The following CDS1 variants were observed in gnomAD, a reference collection of about 807,000 sequenced individuals.
The protein encoded by CDS1 is CDP-diacylglycerol synthase 1.
CDS1 carries 41 observed loss-of-function variants against 62.1 expected under a neutral mutation model. The ratio of observed to expected loss-of-function variants is 0.66; its 90% CI spans 0.51 to 0.86. The LOEUF is 0.86. Ranked by LOEUF, CDS1 falls within the 40% of genes least tolerant of loss-of-function variation. CDS1 has a pLI of 0.00. For synonymous variants in CDS1, 185 were observed against 192.6 expected (o/e 0.96, Z 0.32); for missense variants, 470 against 550.1 (o/e 0.85, Z 1.46).
chr4:84,615,468 C>A (rs145471427), intron 3 of CDS1, among the ~76,000 whole-genome samples: 197 of 152,132 alleles, frequency 1.3e-3, no homozygotes, highest in African/African-American at 4.5e-3. Flanking sequence ...TCCTTCTTAC[C>A]CCCACCTTTG....
chr4:84,584,017 C>T (rs1316010127), intron 1 of CDS1, among the ~76,000 whole-genome samples: 2 of 152,178 alleles, frequency 1.3e-5, no homozygotes, highest in East Asian at 1.9e-4. Context: ...TTTTCTCCAT[C>T]CTTTTTCAGT....
chr4:84,631,561 A>G (rs1174182135), intron 5 of CDS1, among the ~76,000 whole-genome samples: 2 of 152,194 alleles, frequency 1.3e-5, no homozygotes, highest in Non-Finnish European at 1.5e-5. Context: ...GCAGGGGACT[A>G]ATTAATTGAA....
chr4:84,617,506 G>T, intron 3 of CDS1, 58 bp from the exon 4 acceptor site: 1 of 865,096 alleles, frequency 1.2e-6, no homozygotes, highest in South Asian at 1.5e-5. Context: ...TTTATTGAAT[G>T]ATTAAGCACA....
At chr4:84,604,965 C>T (rs1723048646) in intron 2 of CDS1, among the ~76,000 whole-genome samples, 1 of 152,080 alleles carries the variant, frequency 6.6e-6, no homozygotes, top group African/African-American at 2.4e-5. Context: ...GTCTAAAACT[C>T]CACAATCCAT....
chr4:84,636,034 G>A (rs1178311961), intron 8 of CDS1, among the ~76,000 whole-genome samples: 1 of 152,018 alleles, frequency 6.6e-6, no homozygotes, highest in Non-Finnish European at 1.5e-5. Flanking sequence ...TGGGATTAAA[G>A]GCGTGAGCCA....
At chr4:84,605,162 C>T (rs1723055272) in intron 2 of CDS1, among the ~76,000 whole-genome samples, 2 of 152,130 alleles carry the variant, frequency 1.3e-5, no homozygotes, top group South Asian at 2.1e-4. Flanking sequence ...AACAATGTTT[C>T]CCCAACTTTT....
At chr4:84,600,322 T>G (rs148145540) in intron 1 of CDS1, among the ~76,000 whole-genome samples, 12 of 152,332 alleles carry the variant, frequency 7.9e-5, no homozygotes, top group African/African-American at 2.9e-4. Context: ...GTCTTCTCAT[T>G]CTCTTAGTAT....
chr4:84,591,990 C>T (rs975074259), intron 1 of CDS1, among the ~76,000 whole-genome samples: 1 of 151,994 alleles, frequency 6.6e-6, no homozygotes, highest in African/African-American at 2.4e-5. Flanking sequence ...AGTGTTTCAT[C>T]GCTTACTTAT....
chr4:84,627,272 T>C (rs1362253498), intron 5 of CDS1, among the ~76,000 whole-genome samples: 8 of 152,182 alleles, frequency 5.3e-5, no homozygotes, highest in Non-Finnish European at 1.2e-4. Flanking sequence ...TCCATGAAAT[T>C]AAATGACTTG....
chr4:84,635,199 G>A (rs1173094098), intron 7 of CDS1, 65 bp from the exon 8 acceptor site: 16 of 779,528 alleles, frequency 2.1e-5, no homozygotes, highest in African/African-American at 5.3e-5. Flanking sequence ...TAACCTTTCC[G>A]AATATCTGCC....
intron 1 of CDS1, among the ~76,000 whole-genome samples, chr4:84,586,413 G>A (rs1246212356): frequency 6.6e-6 from 1 of 152,220 alleles, no homozygotes; most frequent in Non-Finnish European, 1.5e-5. Flanking sequence ...ATGGGAGACA[G>A]TGACAGATCA....
intron 12 of CDS1, 59 bp downstream of exon 12, chr4:84,645,384 CAT>C: frequency 9.5e-7 from 1 of 1,052,476 alleles, no homozygotes; most frequent in Non-Finnish European, 1.5e-6. Context: ...TTTCCATCAA[CAT>C]TAGTTTGAGT....
chr4:84,608,312 T>C (rs1265883980), intron 2 of CDS1, among the ~76,000 whole-genome samples: 1 of 152,192 alleles, frequency 6.6e-6, no homozygotes, highest in Non-Finnish European at 1.5e-5. Context: ...TAGCTGGGAC[T>C]ACAGGCGCCC....
At chr4:84,639,051 T>G (rs968112927) in intron 9 of CDS1, 59 bp downstream of exon 9, 1 of 775,026 alleles carries the variant, frequency 1.3e-6, no homozygotes, top group African/African-American at 1.8e-5. Context: ...CCAAGCTTAC[T>G]GGTCTAATTT....
chr4:84,626,487 A>G (rs939754807), intron 5 of CDS1, among the ~76,000 whole-genome samples: 1 of 152,012 alleles, frequency 6.6e-6, no homozygotes, highest in Non-Finnish European at 1.5e-5. Flanking sequence ...GGATCTCACT[A>G]TTTTCCCAGG....
At chr4:84,620,039 AAAG>A (rs1161659366) in intron 5 of CDS1, among the ~76,000 whole-genome samples, 2 of 151,168 alleles carry the variant, frequency 1.3e-5, no homozygotes, top group African/African-American at 2.4e-5. Flanking sequence ...AAAAAAAAAA[AAAG>A]AAAGAATCAC....
intron 1 of CDS1, among the ~76,000 whole-genome samples, chr4:84,602,110 A>G (rs1722955852): frequency 1.3e-5 from 2 of 152,130 alleles, no homozygotes; most frequent in Non-Finnish European, 2.9e-5. Context: ...CAGAGTCTAT[A>G]CATTAAATAC....
chr4:84,612,777 G>A (rs1401765389), intron 3 of CDS1, among the ~76,000 whole-genome samples: 1 of 151,962 alleles, frequency 6.6e-6, no homozygotes, highest in African/African-American at 2.4e-5. Context: ...GATCATTTGA[G>A]GTCAGTTTGA....
Position 84,640,844 on chromosome 4 carries a change from T to C in CDS1, c.886T>C (p.Tyr296His). ...STVVFGFIAA[Y>H]VLSKYQYFVC... ...GTTTTGTTTTTAATATCAGGCTGCC[T>C]ATGTGTTATCCAAATACCAGTACTT... The change falls in exon 10 of 13, where the codon TAT (tyrosine) becomes CAT (histidine). Residue 296 changes from tyrosine (Y) to histidine (H), a missense_variant. Physicochemically the swap from Tyr to His is moderately conservative, Grantham distance 83. This residue lies in a region of CDS1 where 214 missense variants were observed against 242.4 expected (regional missense o/e 0.88). Transcript: ENST00000295887. The C allele has an allele frequency of 6.3e-7, 1 of 1,585,814 alleles. No homozygotes were observed. The highest frequency in any genetic ancestry group is 8.6e-7 in the Non-Finnish European group (1 of 1,167,394).
Sources: allele counts gnomAD v4.1 joint callset (sites outside exome capture counted in the v4.1 genomes callset), GRCh38; gene constraint gnomAD v4.1.1; regional missense constraint gnomAD v4.1.1; transcripts MANE v1.5; gene names NCBI Gene and HGNC (gene_info 2026-07-23, HGNC 2026-07-21).